The following SMYD3 variants were observed in gnomAD, a reference collection of about 807,000 sequenced individuals.
SMYD3 encodes the protein histone-lysine N-methyltransferase SMYD3.
SMYD3 carries 36 observed loss-of-function variants against 57.7 expected under a neutral mutation model. That is an observed-to-expected ratio of 0.62 (90% CI 0.48 to 0.82). The LOEUF is 0.82. Among genes scored for constraint, SMYD3 ranks in the 40% least tolerant of loss-of-function variants. The pLI, the probability that SMYD3 is intolerant of heterozygous loss-of-function variation, is 0.00. For synonymous variants in SMYD3, 211 were observed against 195.0 expected, an observed-to-expected ratio of 1.08 and a Z score of -0.68; for missense variants, 515 against 538.8, an observed-to-expected ratio of 0.96 and a Z score of 0.44.
At chr1:245,870,263 A>G (rs1025020770) in intron 8 of SMYD3, among the ~76,000 whole-genome samples, 5 of 152,120 alleles carry the variant, frequency 3.3e-5, no homozygotes, top group Non-Finnish European at 7.3e-5. Context: ...CTAAGATCAG[A>G]TACGTTCCCA....
At chr1:246,505,571 G>GT (rs11447885) in intron 1 of SMYD3, among the ~76,000 whole-genome samples, 71,185 of 151,908 alleles carry the variant, frequency 0.47, 17,592 homozygotes, top group African/African-American at 0.61. Context: ...TCCTAACTTG[G>GT]TTCAGCCGAT....
intron 1 of SMYD3, among the ~76,000 whole-genome samples, chr1:246,438,731 C>T (rs1206874535): frequency 4.0e-5 from 6 of 151,732 alleles, no homozygotes; most frequent in South Asian, 2.1e-4. Flanking sequence ...GATGCTGGGG[C>T]GGGGGGCGGA....
chr1:245,989,591 G>C (rs1015668573), intron 5 of SMYD3, among the ~76,000 whole-genome samples: 1 of 152,218 alleles, frequency 6.6e-6, no homozygotes, highest in Non-Finnish European at 1.5e-5. Context: ...TGGATACAAA[G>C]GAGAAGCAAA....
chr1:245,944,720 A>G (rs1434703398), intron 5 of SMYD3, among the ~76,000 whole-genome samples: 2 of 152,232 alleles, frequency 1.3e-5, no homozygotes, highest in Non-Finnish European at 2.9e-5. Flanking sequence ...CGGAGGCATC[A>G]TGCTACCAAA....
chr1:245,867,465 C>CT (rs1376651439), intron 8 of SMYD3, among the ~76,000 whole-genome samples: 4 of 147,228 alleles, frequency 2.7e-5, no homozygotes, highest in African/African-American at 9.8e-5. Context: ...CTCTTTGTGC[C>CT]TGGCCCTCTC....
intron 5 of SMYD3, among the ~76,000 whole-genome samples, chr1:246,089,098 C>A (rs562709391): frequency 6.6e-6 from 1 of 152,144 alleles, no homozygotes; most frequent in Non-Finnish European, 1.5e-5. Context: ...CTACCTCAAC[C>A]TCCCAAGTAC....
At chr1:245,753,512 G>T (rs2045482088) in intron 11 of SMYD3, among the ~76,000 whole-genome samples, 1 of 152,224 alleles carries the variant, frequency 6.6e-6, no homozygotes, top group South Asian at 2.1e-4. Flanking sequence ...GAGGACATCT[G>T]GTCCTTGTCT....
At chr1:246,047,272 A>G (rs2059984864) in intron 5 of SMYD3, among the ~76,000 whole-genome samples, 1 of 152,218 alleles carries the variant, frequency 6.6e-6, no homozygotes, top group Non-Finnish European at 1.5e-5. Flanking sequence ...GGGGAAAAAG[A>G]AAAGAAAAGA....
intron 5 of SMYD3, among the ~76,000 whole-genome samples, chr1:246,131,313 G>C (rs2061583347): frequency 6.6e-6 from 1 of 152,136 alleles, no homozygotes; most frequent in Admixed American, 6.6e-5. Context: ...TGTGTACATG[G>C]TGGTGGCTCA....
intron 1 of SMYD3, among the ~76,000 whole-genome samples, chr1:246,386,788 C>T (rs1026448573): frequency 6.6e-6 from 1 of 151,974 alleles, no homozygotes; most frequent in Non-Finnish European, 1.5e-5. Flanking sequence ...AAATTGACCA[C>T]TTATTACATA....
chr1:245,843,014 A>G (rs1010358265), intron 10 of SMYD3, among the ~76,000 whole-genome samples: 2 of 152,204 alleles, frequency 1.3e-5, no homozygotes, highest in African/African-American at 2.4e-5. Flanking sequence ...CCCAGCTTAT[A>G]TGTATTTTTT....
chr1:245,768,674 C>T (rs1418398605), intron 10 of SMYD3, among the ~76,000 whole-genome samples: 2 of 152,198 alleles, frequency 1.3e-5, no homozygotes, highest in African/African-American at 4.8e-5. Context: ...ATCAAGGCTC[C>T]TCCCCTTGTG....
rs144303234 is a variant in SMYD3, at chr1:246,293,042, G to A, written c.531+34159C>T. ...AATGTATCTGTACTGTAAAAACACT[G>A]TACCATAAAAAACAACAACTAGATC... is the stretch of plus-strand genomic sequence containing the variant. On this transcript the variant is annotated intron_variant, in intron 5 of 11. Transcript: ENST00000490107. Among the ~76,000 whole-genome samples the A allele has an allele frequency of 6.7e-4, 102 of 151,904 alleles. 2 individuals carry two copies. The highest frequency in any genetic ancestry group is 4.2e-3 in the South Asian group (20 of 4,802).
intron 1 of SMYD3, among the ~76,000 whole-genome samples, chr1:246,379,371 A>G: frequency 6.6e-6 from 1 of 152,128 alleles, no homozygotes; most frequent in East Asian, 1.9e-4. Flanking sequence ...GCAAACTTTC[A>G]AAAGCTGTTT....
chr1:246,122,515 A>G (rs1008813967), intron 5 of SMYD3, among the ~76,000 whole-genome samples: 1 of 152,332 alleles, frequency 6.6e-6, no homozygotes. Context: ...GCAAATTACC[A>G]AGGCTCCGAA....
Position 245,888,299 on chromosome 1 carries a change from A to G in SMYD3, c.814-24413T>C, listed in dbSNP as rs114679901. ...TTATATTTCTAGAATTCTACCATCT[A>G]AAGGGCTTGAGAAATTGGACAAAGA... On this transcript the variant is annotated intron_variant, in intron 8 of 11. Transcript: ENST00000490107. Among the ~76,000 whole-genome samples, 954 of 152,354 alleles carry G rather than the reference A, an allele frequency of 6.3e-3. 11 individuals are homozygous for G. The highest frequency in any genetic ancestry group is 0.022 in the African/African-American group (898 of 41,588).
In SMYD3 at chr1:246,443,549, C is replaced by T. The variant is rs190480587; in HGVS notation, c.164+63505G>A. 1.6e-4 allele frequency among the ~76,000 whole-genome samples: 25 copies of T among 152,334 alleles called. No individual in the cohort carries two copies. The East Asian group carries it at 4.6e-3, about 28-fold the overall frequency. The stretch of plus-strand genomic sequence containing the variant: ...AACACTTGAAAGAAATAAGTCCTAA[C>T]TCCTTTCCCATACAAATAGAGATGC... On this transcript the variant is annotated intron_variant, in intron 1 of 11. Coordinates refer to ENST00000490107, the MANE Select transcript of SMYD3 (RefSeq NM_001167740.2).
chr1:246,437,480 T>C (rs1324214974), intron 1 of SMYD3, among the ~76,000 whole-genome samples: 1 of 152,198 alleles, frequency 6.6e-6, no homozygotes, highest in Non-Finnish European at 1.5e-5. Context: ...GACGTCAAGC[T>C]AGCCGATTGC....
At chr1:246,104,190 C>T (rs2061074684) in intron 5 of SMYD3, among the ~76,000 whole-genome samples, 1 of 152,162 alleles carries the variant, frequency 6.6e-6, no homozygotes, top group African/African-American at 2.4e-5. Context: ...TCAGGAGCAC[C>T]TAACAAAGCT....
Sources: gnomAD v4.1 joint callset for allele counts (sites outside exome capture counted in the v4.1 genomes callset) on GRCh38, gnomAD v4.1.1 for gene constraint, MANE v1.5 for transcripts, NCBI Gene and HGNC (gene_info 2026-07-23, HGNC 2026-07-21) for gene names.